Variants in MET observed in about 807,000 individuals in gnomAD.
MET encodes MET proto-oncogene, receptor tyrosine kinase.
Under a neutral mutation model 133.1 loss-of-function variants are expected in MET, and 48 were observed. The ratio of observed to expected loss-of-function variants is 0.36; its 90% CI spans 0.29 to 0.46. The LOEUF (loss-of-function observed/expected upper bound fraction) is 0.46, where lower values mean the gene tolerates loss of function less well. Among genes scored for constraint, MET ranks in the 20% least tolerant of loss-of-function variants. The probability of loss-of-function intolerance (pLI) is 1.00; values close to 1 mark genes in which losing one functional copy is unlikely to be tolerated. For missense variants in MET, 1,442 were observed against 1,695.9 expected, an observed-to-expected ratio of 0.85 and a Z score of 2.63; for synonymous variants, 628 against 616.5, an observed-to-expected ratio of 1.02 and a Z score of -0.28.
intron 19 of MET, among the ~76,000 whole-genome samples, chr7:116,787,271 A>C (rs1795342373): frequency 6.6e-6 from 1 of 152,246 alleles, no homozygotes; most frequent in African/African-American, 2.4e-5. Context: ...CCATCCTCCA[A>C]GAACATACTG....
intron 2 of MET, among the ~76,000 whole-genome samples, chr7:116,708,399 C>T (rs1371628015): frequency 6.6e-6 from 1 of 152,146 alleles, no homozygotes; most frequent in Non-Finnish European, 1.5e-5. Context: ...TAACTACAAG[C>T]TGCTACATTA....
intron 2 of MET, among the ~76,000 whole-genome samples, chr7:116,706,370 A>G (rs1439382703): frequency 6.6e-6 from 1 of 152,128 alleles, no homozygotes; most frequent in East Asian, 1.9e-4. Context: ...TACAAAATGA[A>G]ATAAATCTTA....
At chr7:116,722,959 C>G (rs1386245037) in intron 2 of MET, among the ~76,000 whole-genome samples, 1 of 148,598 alleles carries the variant, frequency 6.7e-6, no homozygotes, top group Non-Finnish European at 1.5e-5. Context: ...AATTATGTGT[C>G]TTGGAGTTGC....
intron 19 of MET, among the ~76,000 whole-genome samples, chr7:116,786,890 T>C (rs1325581534): frequency 6.6e-6 from 1 of 152,230 alleles, no homozygotes. Flanking sequence ...AGTCATCTCA[T>C]CCACCTCTCT....
At chr7:116,723,946 G>C (rs897929540) in intron 2 of MET, among the ~76,000 whole-genome samples, 5 of 152,364 alleles carry the variant, frequency 3.3e-5, no homozygotes, top group Non-Finnish European at 7.3e-5. Flanking sequence ...GTTTGTCTGT[G>C]CCCTGCCCCG....
intron 1 of MET, 29 bp from the exon 2 acceptor site, chr7:116,699,042 C>T (rs768401013): frequency 1.2e-6 from 2 of 1,613,392 alleles, no homozygotes; most frequent in Middle Eastern, 1.7e-4. Flanking sequence ...GACAACTGAA[C>T]TGCTCTCGCC....
At chr7:116,767,108 C>A (rs1226959863) in intron 11 of MET, among the ~76,000 whole-genome samples, 1 of 152,186 alleles carries the variant, frequency 6.6e-6, no homozygotes, top group Non-Finnish European at 1.5e-5. Context: ...TGCTGCCAAA[C>A]TGTACTGACT....
intron 11 of MET, among the ~76,000 whole-genome samples, chr7:116,764,109 T>C (rs562659115): frequency 8.1e-4 from 124 of 152,202 alleles, no homozygotes; most frequent in African/African-American, 2.9e-3. Flanking sequence ...GGTTGTAATA[T>C]AGGCTTTCAT....
chr7:116,754,331 T>A (rs192335540), intron 5 of MET, among the ~76,000 whole-genome samples: 7 of 152,180 alleles, frequency 4.6e-5, no homozygotes, highest in Admixed American at 1.3e-4. Flanking sequence ...CAGAATGTAG[T>A]GCACGCAGCC....
chr7:116,791,729 A>G (rs1283530638), intron 19 of MET, among the ~76,000 whole-genome samples: 1 of 152,126 alleles, frequency 6.6e-6, no homozygotes, highest in African/African-American at 2.4e-5. Context: ...CAGTGGTGCA[A>G]TCTTGGCTCA....
intron 1 of MET, among the ~76,000 whole-genome samples, chr7:116,696,972 CAG>C (rs1796987454): frequency 6.6e-6 from 1 of 152,174 alleles, no homozygotes; most frequent in Non-Finnish European, 1.5e-5. Flanking sequence ...TCTGTCTGCC[CAG>C]AGTTTTCATT....
In MET at chr7:116,797,972, G is replaced by A. The variant is rs1482666895; in HGVS notation, c.*1848G>A. 3 of 220,614 alleles carry A rather than the reference G, an allele frequency of 1.4e-5. No individual in the cohort carries two copies. The highest frequency in any genetic ancestry group is 4.5e-5 in the African/African-American group (2 of 44,582). The allele number at this position is 220,614 out of a possible 1,614,324, so 13.7% of individuals were successfully genotyped here. A position where few individuals can be genotyped will look rare whatever the true frequency, so the allele number is the denominator to read the frequency against. On this transcript the variant is annotated 3_prime_UTR_variant, in exon 21 of 21. Transcript: ENST00000397752. Reference sequence around the variant, plus strand: ...AAGACACAAGGAATTGTACTGAAGAGCTATTACAATCCAAATATTGCCGTT... The same window carrying A: ...AAGACACAAGGAATTGTACTGAAGAACTATTACAATCCAAATATTGCCGTT...
chr7:116,759,165 T>G (rs1794301325), intron 9 of MET, among the ~76,000 whole-genome samples: 1 of 152,218 alleles, frequency 6.6e-6, no homozygotes, highest in Non-Finnish European at 1.5e-5. Context: ...TGTAATTCGG[T>G]GAATAAAATA....
At chr7:116,764,993 G>A (rs1231117505) in intron 11 of MET, among the ~76,000 whole-genome samples, 1 of 152,012 alleles carries the variant, frequency 6.6e-6, no homozygotes, top group East Asian at 1.9e-4. Flanking sequence ...ACGTTAAGTT[G>A]ATCACATTAA....
At position 116,740,031 on chromosome 7, in the gene MET, G is replaced by A. The variant is rs773830736; in HGVS notation, c.1474G>A (p.Val492Met). 1 of 1,614,064 alleles carries A rather than the reference G, an allele frequency of 6.2e-7. No individual in the cohort carries two copies. The highest frequency in any genetic ancestry group is 1.1e-5 in the South Asian group (1 of 91,076). Reference protein sequence around the residue: ...DSHPVSPEVIVEHTLNQNGYT... With the variant: ...DSHPVSPEVIMEHTLNQNGYT... Reference sequence around the variant, plus strand: ...CCATCCAGTGTCTCCAGAAGTGATTGTGGAGCATACATTAAACCAAAATGG... The same window carrying A: ...CCATCCAGTGTCTCCAGAAGTGATTATGGAGCATACATTAAACCAAAATGG... The change falls in exon 4 of 21, where the codon GTG becomes ATG. Residue 492 changes from valine to methionine, a missense_variant. Around this residue, in one of 6 missense-constraint regions of MET, gnomAD observed 762 missense variants for 792.4 expected, o/e 0.96. Transcript: ENST00000397752.
rs949765512 is a variant in MET at position 116,700,166 on chromosome 7, C to T, written c.1082C>T (p.Ala361Val). 3 of 1,595,460 alleles carry T rather than the reference C, an allele frequency of 1.9e-6. No individual in the cohort carries two copies. The highest frequency in any genetic ancestry group is 2.6e-6 in the Non-Finnish European group (3 of 1,172,170). ...TCTGCCGAACCAATGGATCGATCTG[C>T]CATGTGTGCATTCCCTATCAAATAT... ...PDSAEPMDRSAMCAFPIKYVN... is the reference protein window; with the variant it reads ...PDSAEPMDRSVMCAFPIKYVN... The change falls in exon 2 of 21, where the codon GCC (alanine) becomes GTC (valine). Residue 361 changes from alanine (A) to valine (V), a missense_variant. Around this residue, in one of 6 missense-constraint regions of MET, gnomAD observed 762 missense variants for 792.4 expected, o/e 0.96. Transcript: ENST00000397752.
rs1794468017 is a variant in MET, at chr7:116,763,173, T to C, written c.2488T>C (p.Tyr830His). 2.5e-6 allele frequency: 4 copies of C among 1,614,080 alleles called. No homozygotes were observed. Among genetic ancestry groups the C allele is most frequent in the Non-Finnish European group, 3.4e-6 (4 of 1,179,970 alleles). Reference protein sequence around the residue: ...FFMLDGILSKYFDLIYVHNPV... With the variant: ...FFMLDGILSKHFDLIYVHNPV... ...CATGTTAGATGGGATCCTTTCCAAATACTTTGATCTCATTTATGTACATAA... is the reference window on the plus strand; with the variant it reads ...CATGTTAGATGGGATCCTTTCCAAACACTTTGATCTCATTTATGTACATAA... The change falls in exon 11 of 21, where the codon TAC (tyrosine) becomes CAC (histidine). Residue 830 changes from tyrosine to histidine, a missense_variant. This residue lies in a region of MET where 514 missense variants were observed against 659.6 expected (regional missense o/e 0.78). Transcript: ENST00000397752.
chr7:116,686,554 G>A (rs141220474), intron 1 of MET, among the ~76,000 whole-genome samples: 42 of 152,272 alleles, frequency 2.8e-4, no homozygotes, highest in African/African-American at 9.1e-4. Flanking sequence ...ACAAGAGCAG[G>A]GGTGTTGGGT....
Position 116,672,400 on chromosome 7 carries a change from C to G in MET, c.-192C>G, listed in dbSNP as rs1477873614. 5 of 383,170 alleles carry G rather than the reference C, an allele frequency of 1.3e-5. No individual in the cohort carries two copies. The highest frequency in any genetic ancestry group is 4.5e-5 in the Admixed American group (1 of 22,150). 23.7% of individuals were successfully genotyped at this position (383,170 alleles called of 1,614,324 possible). On this transcript the variant is annotated 5_prime_UTR_variant, in exon 1 of 21. Transcript: ENST00000397752. ...GGGCTCAGCCCGGCCGCAGGTGACC[C>G]GGAGGCCCTCGCCGCCCGCGGCGCC... is the stretch of plus-strand genomic sequence containing the variant.
Sources: gnomAD v4.1 joint callset for allele counts (sites outside exome capture counted in the v4.1 genomes callset) on GRCh38, gnomAD v4.1.1 for gene constraint, gnomAD v4.1.1 regional missense constraint, MANE v1.5 for transcripts, NCBI Gene and HGNC (gene_info 2026-07-23, HGNC 2026-07-21) for gene names.